TMEM71: variants seen among roughly 807,000 people sequenced by gnomAD.
The protein encoded by TMEM71 is transmembrane protein 71.
TMEM71 carries 44 observed loss-of-function variants against 38.0 expected under a neutral mutation model. The ratio of observed to expected loss-of-function variants is 1.16; its 90% CI spans 0.91 to 1.49. TMEM71 has a LOEUF of 1.49. Among genes scored for constraint, TMEM71 ranks in the 40% most tolerant of loss-of-function variants. The probability of loss-of-function intolerance (pLI) is 0.00; values close to 1 mark genes in which losing one functional copy is unlikely to be tolerated. For missense variants in TMEM71, 367 were observed against 348.6 expected, an observed-to-expected ratio of 1.05 and a Z score of -0.42; for synonymous variants, 133 against 122.5, an observed-to-expected ratio of 1.09 and a Z score of -0.56.
intron 7 of TMEM71, among the ~76,000 whole-genome samples, chr8:132,721,026 CAA>C (rs1321562274): frequency 6.6e-6 from 1 of 152,158 alleles, no homozygotes; most frequent in East Asian, 1.9e-4. Context: ...GTGCATGCGA[CAA>C]AGAGTGGCAT....
intron 2 of TMEM71, chr8:132,758,464 A>C (rs985862491): frequency 1.6e-5 from 3 of 182,882 alleles, no homozygotes; most frequent in African/African-American, 7.2e-5. Flanking sequence ...GGAAGGAAGA[A>C]ACTTGAAACC....
At chr8:132,715,936 C>T (rs563929420) in intron 7 of TMEM71, among the ~76,000 whole-genome samples, 33 of 152,290 alleles carry the variant, frequency 2.2e-4, no homozygotes, top group Non-Finnish European at 1.6e-4. Context: ...AAACTGAAGT[C>T]CCATAAGCGA....
chr8:132,714,110 G>T, intron 8 of TMEM71, 44 bp downstream of exon 8: 1 of 1,609,582 alleles, frequency 6.2e-7, no homozygotes, highest in Non-Finnish European at 8.5e-7. Context: ...AAATTGGAAT[G>T]AAATACAGGC....
intron 2 of TMEM71, chr8:132,758,155 T>C (rs747543435): frequency 6.6e-6 from 1 of 152,222 alleles, no homozygotes; most frequent in Non-Finnish European, 1.5e-5. Flanking sequence ...TTCTTAATTA[T>C]AGAAACATCA....
chr8:132,746,773 T>C (rs976927080), intron 5 of TMEM71, among the ~76,000 whole-genome samples, 169 bp downstream of exon 5: 1 of 152,154 alleles, frequency 6.6e-6, no homozygotes, highest in African/African-American at 2.4e-5. Flanking sequence ...ATATGTGTTT[T>C]GATCACACAT....
intron 7 of TMEM71, among the ~76,000 whole-genome samples, chr8:132,721,268 C>T (rs372433089): frequency 8.5e-5 from 13 of 152,264 alleles, no homozygotes; most frequent in African/African-American, 3.1e-4. Flanking sequence ...GAAGAACATA[C>T]AGGTCAGAGG....
chr8:132,771,240 TCCAC>T, the TMEM71 span, among the ~76,000 whole-genome samples: 1 of 152,234 alleles, frequency 6.6e-6, no homozygotes, highest in Non-Finnish European at 1.5e-5. Flanking sequence ...CTGTCCAGGA[TCCAC>T]CTGTCATTCT....
intron 7 of TMEM71, among the ~76,000 whole-genome samples, chr8:132,715,238 C>T (rs554833225): frequency 1.1e-3 from 166 of 148,690 alleles, no homozygotes; most frequent in Non-Finnish European, 2.0e-3. Flanking sequence ...AACCCTGTCT[C>T]CACTAAAAAT....
At chr8:132,740,724 G>A (rs1190307277) in intron 5 of TMEM71, among the ~76,000 whole-genome samples, 1 of 152,178 alleles carries the variant, frequency 6.6e-6, no homozygotes, top group South Asian at 2.1e-4. Context: ...TTGAAGACGC[G>A]ACCAGCCACA....
At chr8:132,716,028 G>A (rs752095870) in intron 7 of TMEM71, among the ~76,000 whole-genome samples, 3 of 152,162 alleles carry the variant, frequency 2.0e-5, no homozygotes, top group Non-Finnish European at 4.4e-5. Flanking sequence ...TGTGGGCTTC[G>A]CAGAGCCCGA....
intron 5 of TMEM71, among the ~76,000 whole-genome samples, chr8:132,738,468 T>G (rs1415439203): frequency 6.6e-6 from 1 of 152,198 alleles, no homozygotes; most frequent in Non-Finnish European, 1.5e-5. Context: ...CCTCCCTATT[T>G]CCTGCCACTT....
upstream of TMEM71, among the ~76,000 whole-genome samples, chr8:132,762,486 T>A (rs1829315145): frequency 6.6e-6 from 1 of 152,208 alleles, no homozygotes; most frequent in African/African-American, 2.4e-5. Context: ...CTACTTTTTT[T>A]TTTTTTAAAG....
intron 5 of TMEM71, among the ~76,000 whole-genome samples, chr8:132,744,751 G>C (rs1426590288): frequency 1.3e-5 from 2 of 152,184 alleles, no homozygotes; most frequent in African/African-American, 2.4e-5. Flanking sequence ...AACAAAGCCA[G>C]AGGCATCATA....
At chr8:132,771,744 C>T in the TMEM71 span, among the ~76,000 whole-genome samples, 10 of 151,998 alleles carry the variant, frequency 6.6e-5, no homozygotes, top group African/African-American at 9.7e-5. Flanking sequence ...TATAAACCTA[C>T]GAATCACAGT....
At chr8:132,770,926 C>T in the TMEM71 span, among the ~76,000 whole-genome samples, 1 of 152,162 alleles carries the variant, frequency 6.6e-6, no homozygotes, top group Non-Finnish European at 1.5e-5. Flanking sequence ...AACAGTGCCC[C>T]TGAGCCATAT....
At chr8:132,756,794 A>G (rs1829043051) in intron 3 of TMEM71, among the ~76,000 whole-genome samples, 1 of 151,796 alleles carries the variant, frequency 6.6e-6, no homozygotes, top group Non-Finnish European at 1.5e-5. Flanking sequence ...ACCATGTTTT[A>G]CCCAGGCTGG....
chr8:132,756,481 A>G (rs1293653116), intron 3 of TMEM71, among the ~76,000 whole-genome samples: 1 of 144,130 alleles, frequency 6.9e-6, no homozygotes, highest in Non-Finnish European at 1.5e-5. Flanking sequence ...TAGTATGTAC[A>G]TGGCACCAAA....
chr8:132,715,347 T>G (rs1656524119), intron 7 of TMEM71, among the ~76,000 whole-genome samples: 2 of 139,576 alleles, frequency 1.4e-5, no homozygotes, highest in South Asian at 4.4e-4. Flanking sequence ...GAGGCGGAGC[T>G]TGCAGTGAGC....
intron 1 of TMEM71, chr8:132,759,566 A>T (rs1000660768): frequency 6.6e-6 from 1 of 152,242 alleles, no homozygotes; most frequent in Admixed American, 6.5e-5. Flanking sequence ...ATATCAAAGT[A>T]TGTAAATTAT....
Sources: allele counts gnomAD v4.1 joint callset (sites outside exome capture counted in the v4.1 genomes callset), GRCh38; gene constraint gnomAD v4.1.1; transcripts MANE v1.5; gene names NCBI Gene and HGNC (gene_info 2026-07-23, HGNC 2026-07-21).